The following TAOK1 variants were observed in gnomAD, a reference collection of about 807,000 sequenced individuals.
The protein encoded by TAOK1 is serine/threonine-protein kinase TAO1.
Under a neutral mutation model 138.3 loss-of-function variants are expected in TAOK1, and 21 were observed. The observed-to-expected ratio is 0.15, with a 90% CI of 0.11 to 0.22. The LOEUF (loss-of-function observed/expected upper bound fraction) is 0.22, where lower values mean the gene tolerates loss of function less well. Ranked by LOEUF, TAOK1 falls within the 10% of genes least tolerant of loss-of-function variation. The pLI, the probability that TAOK1 is intolerant of heterozygous loss-of-function variation, is 1.00. For missense variants in TAOK1, 651 were observed against 1,227.7 expected (o/e 0.53, Z 7.02); for synonymous variants, 361 against 398.4 (o/e 0.91, Z 1.12).
intron 18 of TAOK1, among the ~76,000 whole-genome samples, chr17:29,531,091 A>AGCTG (rs1260968678): frequency 6.8e-6 from 1 of 147,140 alleles, no homozygotes; most frequent in African/African-American, 2.5e-5. Context: ...CCTCCCAAGT[A>AGCTG]GCTGGGACTA....
At chr17:29,512,307 A>C (rs2031735123) in intron 15 of TAOK1, 1 of 150,386 alleles carries the variant, frequency 6.6e-6, no homozygotes, top group African/African-American at 2.5e-5. Context: ...CAATCTACCC[A>C]CCTCGGCCCC....
intron 1 of TAOK1, among the ~76,000 whole-genome samples, chr17:29,442,135 C>G (rs1777474520): frequency 6.6e-6 from 1 of 151,846 alleles, no homozygotes; most frequent in Non-Finnish European, 1.5e-5. Context: ...CTCAACCTCC[C>G]TGGCTCAAGC....
intron 3 of TAOK1, among the ~76,000 whole-genome samples, chr17:29,470,604 T>C (rs1233144522): frequency 6.6e-6 from 1 of 152,184 alleles, no homozygotes; most frequent in East Asian, 1.9e-4. Context: ...ATCAACATGA[T>C]TGGTGTATGG....
At chr17:29,523,492 A>G (rs2031956569) in intron 17 of TAOK1, among the ~76,000 whole-genome samples, 1 of 152,092 alleles carries the variant, frequency 6.6e-6, no homozygotes, top group African/African-American at 2.4e-5. Flanking sequence ...GGTTCATGCC[A>G]TTCTCCTGCC....
At chr17:29,511,192 C>A (rs2031713490) in intron 15 of TAOK1, 200 bp downstream of exon 15, 3 of 339,686 alleles carry the variant, frequency 8.8e-6, no homozygotes, top group Non-Finnish European at 1.1e-5. Context: ...TAAAATGAAT[C>A]ATTTCCTGAA....
At chr17:29,427,445 A>T (rs1905675976) in intron 1 of TAOK1, among the ~76,000 whole-genome samples, 1 of 151,286 alleles carries the variant, frequency 6.6e-6, no homozygotes, top group South Asian at 2.1e-4. Flanking sequence ...AAAATACAAC[A>T]ATTAGCCAGG....
At chr17:29,465,596 C>A (rs931674890) in intron 2 of TAOK1, among the ~76,000 whole-genome samples, 13 of 151,972 alleles carry the variant, frequency 8.6e-5, no homozygotes, top group African/African-American at 3.1e-4. Context: ...TTAGTAGATA[C>A]AAGTTTTGTA....
chr17:29,453,059 C>A (rs1031950370), intron 2 of TAOK1, among the ~76,000 whole-genome samples: 2 of 152,028 alleles, frequency 1.3e-5, no homozygotes, highest in African/African-American at 4.8e-5. Flanking sequence ...TGCACCACAG[C>A]AGCTGCACCA....
At chr17:29,416,976 G>T (rs1316524305) in intron 1 of TAOK1, among the ~76,000 whole-genome samples, 2 of 151,980 alleles carry the variant, frequency 1.3e-5, no homozygotes, top group African/African-American at 4.8e-5. Flanking sequence ...GGTAAATATT[G>T]AATGAATTAT....
intron 2 of TAOK1, among the ~76,000 whole-genome samples, chr17:29,462,885 A>G (rs951680639): frequency 2.6e-5 from 4 of 152,294 alleles, no homozygotes; most frequent in Admixed American, 1.3e-4. Context: ...TAGGACTACA[A>G]CTTATTTTGT....
At chr17:29,511,110 G>T in intron 15 of TAOK1, 118 bp downstream of exon 15, 3 of 882,380 alleles carry the variant, frequency 3.4e-6, no homozygotes, top group Non-Finnish European at 4.9e-6. Context: ...GTCACTAAAT[G>T]GGTATTAGTT....
At position 29,510,696 on chromosome 17, in the gene TAOK1, T is replaced by C. The variant is rs536415348; in HGVS notation, c.1576-168T>C. 2.6e-5 allele frequency among the ~76,000 whole-genome samples: 4 copies of C among 152,352 alleles called. No individual in the cohort carries two copies. In the East Asian group the frequency reaches 5.8e-4, roughly 22 times the overall value. Reference sequence around the variant, plus strand: ...TACTGATTCTATGAAGTTCAAATTATAAGGATGCCAAGTAGCACATGTTTA... The same window carrying C: ...TACTGATTCTATGAAGTTCAAATTACAAGGATGCCAAGTAGCACATGTTTA... On this transcript the variant is annotated intron_variant, in intron 14 of 19. Transcript: ENST00000261716.
intron 1 of TAOK1, among the ~76,000 whole-genome samples, chr17:29,411,514 C>T (rs1390042905): frequency 6.6e-6 from 1 of 152,144 alleles, no homozygotes; most frequent in Non-Finnish European, 1.5e-5. Flanking sequence ...GCCTCAGCCT[C>T]CCAAGTAGCT....
At chr17:29,486,078 G>T (rs2031165896) in intron 8 of TAOK1, among the ~76,000 whole-genome samples, 1 of 152,022 alleles carries the variant, frequency 6.6e-6, no homozygotes, top group Non-Finnish European at 1.5e-5. Context: ...TTGAGCCCAG[G>T]AGTTGGAGAC....
intron 1 of TAOK1, chr17:29,445,502 G>A (rs574283207): frequency 6.6e-6 from 1 of 152,298 alleles, no homozygotes; most frequent in East Asian, 1.9e-4. Flanking sequence ...ATAGGTTAAA[G>A]ATGTTCCTTT....
At chr17:29,441,744 C>A (rs914044574) in intron 1 of TAOK1, among the ~76,000 whole-genome samples, 1 of 151,956 alleles carries the variant, frequency 6.6e-6, no homozygotes, top group Non-Finnish European at 1.5e-5. Context: ...ACTAAAAATA[C>A]AAATACTAGC....
intron 11 of TAOK1, among the ~76,000 whole-genome samples, chr17:29,496,775 C>CG (rs139588322): frequency 0.38 from 57,302 of 150,810 alleles, 12,104 homozygotes; most frequent in Non-Finnish European, 0.48. Context: ...TTAGTAGAGA[C>CG]CGGTTTCGCT....
Position 29,397,607 on chromosome 17 carries a change from C to CCA in TAOK1, c.-95+6583_-95+6584insCA, listed in dbSNP as rs60665025. 9.7e-4 allele frequency among the ~76,000 whole-genome samples: 92 copies of CCA among 94,584 alleles called. 3 individuals are homozygous for CCA. Among genetic ancestry groups the CCA allele is most frequent in the African/African-American group, 2.1e-3 (40 of 18,714 alleles). The allele number at this position is 94,584 out of a possible 152,430, so 62.1% of individuals were successfully genotyped here. A position where few individuals can be genotyped will look rare whatever the true frequency, so the allele number is the denominator to read the frequency against. On this transcript the variant is annotated intron_variant, in intron 1 of 19. Transcript: ENST00000261716. ...AACAGAGTGAGATTCCGTCCCCCCCCAAAAAAATATATATATATATATACA... is the reference window on the plus strand; with the variant it reads ...AACAGAGTGAGATTCCGTCCCCCCCCCAAAAAAAATATATATATATATATACA...
chr17:29,416,655 G>C (rs868186308), intron 1 of TAOK1, among the ~76,000 whole-genome samples: 2 of 152,026 alleles, frequency 1.3e-5, no homozygotes, highest in Admixed American at 6.6e-5. Context: ...TTTTAGGCTT[G>C]TTTAATTTTA....
Sources: allele counts gnomAD v4.1 joint callset (sites outside exome capture counted in the v4.1 genomes callset), GRCh38; gene constraint gnomAD v4.1.1; transcripts MANE v1.5; gene names NCBI Gene and HGNC (gene_info 2026-07-23, HGNC 2026-07-21).